The following STAG1 variants were observed in gnomAD, a reference collection of about 807,000 sequenced individuals.
STAG1 encodes cohesin subunit SA-1.
In STAG1, 26 loss-of-function variants were observed where a neutral mutation model predicts 170.9. The ratio of observed to expected loss-of-function variants is 0.15; its 90% confidence interval spans 0.11 to 0.21. STAG1 has a LOEUF of 0.21. Among genes scored for constraint, STAG1 ranks in the 10% least tolerant of loss-of-function variants. The pLI, the probability that STAG1 is intolerant of heterozygous loss-of-function variation, is 1.00. For synonymous variants in STAG1, 514 were observed against 497.7 expected (o/e 1.03, Z -0.44); for missense variants, 964 against 1,509.5 (o/e 0.64, Z 5.99).
intron 21 of STAG1, among the ~76,000 whole-genome samples, chr3:136,400,460 A>G (rs1247351050): frequency 6.6e-6 from 1 of 152,058 alleles, no homozygotes; most frequent in East Asian, 1.9e-4. Flanking sequence ...AGATCAGGCA[A>G]TCTGCCCACC....
chr3:136,477,369 C>T lies in STAG1; in HGVS notation c.946G>A (p.Gly316Arg). 1.2e-6 allele frequency: 2 copies of T among 1,612,686 alleles called. No homozygotes were observed. The highest frequency in any genetic ancestry group is 1.7e-6 in the Non-Finnish European group (2 of 1,179,486). The change falls in exon 10 of 34, where the codon GGA becomes AGA. Residue 316 changes from glycine (G) to arginine (R), a missense_variant. This residue lies in a region of STAG1 where 57 missense variants were observed against 157.6 expected (regional missense o/e 0.36). Transcript: ENST00000383202. ...EIRAICIEEI[G>R]VWMKMYSDAF... ...TCACTATACATTTTCATCCATACTC[C>T]AATTTCTTCAATACAAATGGCTCTA...
intron 5 of STAG1, among the ~76,000 whole-genome samples, chr3:136,542,669 TAAAAAA>T (rs55825292): frequency 8.8e-6 from 1 of 113,110 alleles, no homozygotes; most frequent in Admixed American, 8.2e-5. Flanking sequence ...CTGTTTGTAA[TAAAAAA>T]AAAAAAAAAA....
At chr3:136,545,866 G>A (rs1324986324) in intron 5 of STAG1, among the ~76,000 whole-genome samples, 1 of 152,044 alleles carries the variant, frequency 6.6e-6, no homozygotes, top group South Asian at 2.1e-4. Context: ...CAGTCCTTGT[G>A]GGGGAGGAAA....
chr3:136,719,087 G>GACTTGTAA (rs1284299469), intron 1 of STAG1, among the ~76,000 whole-genome samples: 6 of 152,170 alleles, frequency 3.9e-5, no homozygotes, highest in African/African-American at 1.4e-4. Context: ...TCTACACCAA[G>GACTTGTAA]ACTTGTAAAT....
At chr3:136,678,991 C>T (rs1282292274) in intron 1 of STAG1, among the ~76,000 whole-genome samples, 1 of 119,452 alleles carries the variant, frequency 8.4e-6, no homozygotes, top group Admixed American at 8.2e-5. Flanking sequence ...ATCAAAAATA[C>T]TTCACAAAAA....
At chr3:136,595,594 A>G (rs1291920643) in intron 4 of STAG1, among the ~76,000 whole-genome samples, 7 of 151,764 alleles carry the variant, frequency 4.6e-5, no homozygotes, top group African/African-American at 1.7e-4. Flanking sequence ...GAAGAATGGC[A>G]TGAATCCGGG....
At chr3:136,353,119 G>C (rs1576380961) in intron 28 of STAG1, among the ~76,000 whole-genome samples, 1 of 151,980 alleles carries the variant, frequency 6.6e-6, no homozygotes, top group Admixed American at 6.6e-5. Context: ...GCTGACAAAA[G>C]CAAGAAACAC....
At chr3:136,461,641 G>A (rs2089277585) in intron 13 of STAG1, among the ~76,000 whole-genome samples, 1 of 150,084 alleles carries the variant, frequency 6.7e-6, no homozygotes, top group Non-Finnish European at 1.5e-5. Context: ...AAGAATATTA[G>A]TCTGGGTAGA....
chr3:136,500,216 C>G lies in STAG1; in HGVS notation c.902+7G>C. On this transcript the variant is annotated splice_region_variant and intron_variant, in intron 9 of 33. Coordinates refer to ENST00000383202, the MANE Select transcript of STAG1 (RefSeq NM_005862.3). The stretch of plus-strand genomic sequence containing the variant: ...AAGCCTTCAAAATTATTTTTAAAAT[C>G]TCTTACCGGTATCTATGAACAAATA... 6.6e-7 allele frequency: 1 copy of G among 1,514,088 alleles called. No homozygotes were observed. The highest frequency in any genetic ancestry group is 9.1e-7 in the Non-Finnish European group (1 of 1,102,628). 93.8% of individuals were successfully genotyped at this position (1,514,088 alleles called of 1,614,324 possible).
chr3:136,533,369 C>T (rs1187984640), intron 6 of STAG1, among the ~76,000 whole-genome samples: 1 of 151,900 alleles, frequency 6.6e-6, no homozygotes, highest in African/African-American at 2.4e-5. Context: ...GACTGTGTCG[C>T]CTTTTTTTTA....
At chr3:136,576,226 A>G (rs1230681928) in intron 4 of STAG1, among the ~76,000 whole-genome samples, 1 of 152,208 alleles carries the variant, frequency 6.6e-6, no homozygotes, top group Non-Finnish European at 1.5e-5. Context: ...TTCTGACATC[A>G]AATGCACAAA....
intron 15 of STAG1, among the ~76,000 whole-genome samples, chr3:136,434,627 G>A (rs911934600): frequency 4.6e-5 from 7 of 152,080 alleles, no homozygotes; most frequent in Non-Finnish European, 7.4e-5. Flanking sequence ...GACTCTTCAT[G>A]GTATCTTCTG....
intron 1 of STAG1, among the ~76,000 whole-genome samples, chr3:136,690,056 C>CAAAAAAAAAAAAAAAAAAAAAAAACA (rs57082567): frequency 3.5e-5 from 2 of 56,400 alleles, no homozygotes; most frequent in Non-Finnish European, 6.4e-5. Flanking sequence ...AAAAGCAAAC[C>CAAAAAAAAAAAAAAAAAAAAAAAACA]AAAAAAAAAA....
In STAG1 at chr3:136,630,904, G is replaced by C; in HGVS notation, c.-6C>G. The stretch of plus-strand genomic sequence containing the variant: ...GGTAATTCTGAAGTAATCATTGCTG[G>C]AGAGGTCCTTTCACAATGCAGCAAA... On this transcript the variant is annotated 5_prime_UTR_variant, in exon 2 of 34. Transcript: ENST00000383202. The C allele has an allele frequency of 6.4e-7, 1 of 1,564,518 alleles. No homozygotes were observed. Among genetic ancestry groups the C allele is most frequent in the Non-Finnish European group, 8.7e-7 (1 of 1,153,056 alleles).
At chr3:136,557,007 C>T (rs1936651172) in intron 5 of STAG1, among the ~76,000 whole-genome samples, 1 of 152,122 alleles carries the variant, frequency 6.6e-6, no homozygotes, top group African/African-American at 2.4e-5. Context: ...CTGAGGTGGG[C>T]AGAACTCTTG....
rs1261085099 is a variant in STAG1, at chr3:136,446,965, T to C, written c.1429-3561A>G. 2.0e-5 allele frequency among the ~76,000 whole-genome samples: 3 copies of C among 150,578 alleles called. No individual in the cohort carries two copies. The East Asian group carries it at 6.1e-4, about 31-fold the overall frequency. On this transcript the variant is annotated intron_variant, in intron 14 of 33. Transcript: ENST00000383202. ...ACAGGTGCATCCCACCACGCCACCC[T>C]GCTAATTTTTGTATTTTTAGTTGAG...
intron 1 of STAG1, among the ~76,000 whole-genome samples, chr3:136,734,625 T>C (rs1934234918): frequency 6.6e-6 from 1 of 152,182 alleles, no homozygotes; most frequent in Admixed American, 6.5e-5. Flanking sequence ...GCATCTCCTT[T>C]TACTTTTGTA....
At chr3:136,415,832 AC>A (rs1017921543) in intron 21 of STAG1, among the ~76,000 whole-genome samples, 1 of 152,150 alleles carries the variant, frequency 6.6e-6, no homozygotes, top group Non-Finnish European at 1.5e-5. Context: ...AAACAAACAA[AC>A]AAAAAAGAAG....
chr3:136,370,640 TGA>T (rs998449045), intron 23 of STAG1, among the ~76,000 whole-genome samples: 3 of 152,224 alleles, frequency 2.0e-5, no homozygotes, highest in African/African-American at 4.8e-5. Context: ...GATAGTTTGC[TGA>T]GAGTGATGGT....
Sources: gnomAD v4.1 joint callset for allele counts (sites outside exome capture counted in the v4.1 genomes callset) on GRCh38, gnomAD v4.1.1 for gene constraint, gnomAD v4.1.1 regional missense constraint, MANE v1.5 for transcripts, NCBI Gene and HGNC (gene_info 2026-07-23, HGNC 2026-07-21) for gene names.